Variants in SLC26A7 observed in about 807,000 individuals in gnomAD.
SLC26A7 encodes the protein anion exchange transporter.
A neutral mutation model predicts 82.5 loss-of-function variants in SLC26A7; 59 were observed. The ratio of observed to expected loss-of-function variants is 0.72; its 90% CI spans 0.58 to 0.89. The LOEUF is 0.89. Ranked by LOEUF, SLC26A7 falls within the 40% of genes least tolerant of loss-of-function variation. The probability of loss-of-function intolerance (pLI) is 0.00; values close to 1 mark genes in which losing one functional copy is unlikely to be tolerated. For missense variants in SLC26A7, 820 were observed against 793.0 expected, an observed-to-expected ratio of 1.03 and a Z score of -0.41; for synonymous variants, 271 against 274.3, an observed-to-expected ratio of 0.99 and a Z score of 0.12.
intron 15 of SLC26A7, among the ~76,000 whole-genome samples, chr8:91,382,390 A>G (rs944104180): frequency 1.8e-4 from 28 of 152,270 alleles, no homozygotes; most frequent in African/African-American, 6.3e-4. Flanking sequence ...TCCAACATCT[A>G]ACTTAATCAT....
At chr8:91,392,149 A>C (rs1410300697) in intron 16 of SLC26A7, among the ~76,000 whole-genome samples, 1 of 152,188 alleles carries the variant, frequency 6.6e-6, no homozygotes, top group African/African-American at 2.4e-5. Flanking sequence ...ACATTCCCTT[A>C]GCCAGGTGTG....
chr8:91,270,221 T>C (rs1811231549), intron 2 of SLC26A7, among the ~76,000 whole-genome samples: 1 of 152,178 alleles, frequency 6.6e-6, no homozygotes, highest in Non-Finnish European at 1.5e-5. Flanking sequence ...TTGGAGGTAC[T>C]CTTTGGTGGT....
rs369858729 is a variant in SLC26A7 at position 91,352,897 on chromosome 8, C to A, written c.1219-4C>A. 4 of 1,586,672 alleles carry A rather than the reference C, an allele frequency of 2.5e-6. No individual in the cohort carries two copies. The African/African-American group carries it at 5.5e-5, about 22-fold the overall frequency. ...TTCTTCTTCAACTTACGTTTTATTT[C>A]TAGTGTGTCCTTGCAAGCATTATTG... On this transcript the variant is annotated splice_region_variant and splice_polypyrimidine_tract_variant and intron_variant, in intron 10 of 18. Transcript: ENST00000276609.
intron 2 of SLC26A7, among the ~76,000 whole-genome samples, chr8:91,258,376 A>G (rs1360301709): frequency 1.3e-5 from 2 of 151,898 alleles, no homozygotes; most frequent in Admixed American, 6.6e-5. Context: ...CTTATCCTCC[A>G]TTCTTTTTTA....
chr8:91,389,141 C>T (rs1711191192), intron 15 of SLC26A7, among the ~76,000 whole-genome samples, 197 bp from the exon 16 acceptor site: 1 of 152,102 alleles, frequency 6.6e-6, no homozygotes, highest in Non-Finnish European at 1.5e-5. Flanking sequence ...TCATAATCAC[C>T]TGAAATTGCA....
chr8:91,300,432 C>G (rs1351581416), intron 4 of SLC26A7, among the ~76,000 whole-genome samples: 1 of 149,362 alleles, frequency 6.7e-6, no homozygotes, highest in African/African-American at 2.5e-5. Flanking sequence ...GAGTCTTGCT[C>G]TGTCACCCAG....
intron 11 of SLC26A7, among the ~76,000 whole-genome samples, chr8:91,362,116 T>G (rs780042646): frequency 5.9e-5 from 9 of 152,002 alleles, no homozygotes; most frequent in Non-Finnish European, 8.8e-5. Flanking sequence ...AACTAAGGGT[T>G]GGCAGTGTCT....
intron 2 of SLC26A7, among the ~76,000 whole-genome samples, chr8:91,243,248 G>C (rs1810497962): frequency 6.6e-6 from 1 of 152,088 alleles, no homozygotes; most frequent in South Asian, 2.1e-4. Flanking sequence ...AGCCAGTTTT[G>C]AGTAATTGGG....
chr8:91,253,759 T>C (rs1810724540), intron 2 of SLC26A7, among the ~76,000 whole-genome samples: 1 of 152,068 alleles, frequency 6.6e-6, no homozygotes, highest in African/African-American at 2.4e-5. Context: ...CCTTAACATA[T>C]TGTATTATAA....
chr8:91,239,389 A>AT (rs1264821995), intron 2 of SLC26A7, among the ~76,000 whole-genome samples: 110 of 105,812 alleles, frequency 1.0e-3, no homozygotes, highest in Non-Finnish European at 1.7e-3. Flanking sequence ...AAAAAAAAAA[A>AT]AAAAAAATAT....
chr8:91,329,502 A>G (rs570230810), intron 5 of SLC26A7, among the ~76,000 whole-genome samples: 30 of 152,248 alleles, frequency 2.0e-4, no homozygotes, highest in Admixed American at 8.5e-4. Flanking sequence ...ACAGACAATA[A>G]AAACCCTGGG....
At chr8:91,314,859 G>C (rs59938602) in intron 4 of SLC26A7, among the ~76,000 whole-genome samples, 1,708 of 152,178 alleles carry the variant, frequency 0.011, 28 homozygotes, top group African/African-American at 0.039. Context: ...GTGTTGCAAG[G>C]TAGGTTCCCA....
At chr8:91,247,210 G>A (rs1290813369), upstream of SLC26A7, among the ~76,000 whole-genome samples, 1 of 152,190 alleles carries the variant, frequency 6.6e-6, no homozygotes, top group Non-Finnish European at 1.5e-5. Context: ...CATGTATGAA[G>A]TAGAAGATAA....
At chr8:91,302,198 A>G (rs941443222) in intron 4 of SLC26A7, among the ~76,000 whole-genome samples, 4 of 152,108 alleles carry the variant, frequency 2.6e-5, no homozygotes, top group African/African-American at 7.2e-5. Context: ...TGTAAAGATC[A>G]GTATATAGCT....
chr8:91,298,718 C>A (rs1812081983), intron 4 of SLC26A7, among the ~76,000 whole-genome samples: 1 of 152,054 alleles, frequency 6.6e-6, no homozygotes, highest in Non-Finnish European at 1.5e-5. Flanking sequence ...ATTATTATAG[C>A]AAGATGGGAC....
chr8:91,281,352 AGTACAATT>A (rs1338709425), intron 2 of SLC26A7, among the ~76,000 whole-genome samples: 1 of 152,202 alleles, frequency 6.6e-6, no homozygotes, highest in Non-Finnish European at 1.5e-5. Flanking sequence ...AATATTCCAT[AGTACAATT>A]GTGCAGAAGT....
At chr8:91,272,348 A>G (rs934284043) in intron 2 of SLC26A7, among the ~76,000 whole-genome samples, 1 of 152,328 alleles carries the variant, frequency 6.6e-6, no homozygotes, top group African/African-American at 2.4e-5. Context: ...TCTTAGTATA[A>G]TATTCCTTAA....
intron 2 of SLC26A7, among the ~76,000 whole-genome samples, chr8:91,286,463 C>T (rs1482581928): frequency 6.6e-6 from 1 of 152,180 alleles, no homozygotes; most frequent in African/African-American, 2.4e-5. Flanking sequence ...AAATAATCAG[C>T]CATGTAAAGA....
At chr8:91,334,238 T>G in intron 5 of SLC26A7, 57 bp from the exon 6 acceptor site, 1 of 1,464,308 alleles carries the variant, frequency 6.8e-7, no homozygotes, top group Non-Finnish European at 9.3e-7. Context: ...CATATTTTCA[T>G]GTTGGTATAT....
Sources: allele counts gnomAD v4.1 joint callset (sites outside exome capture counted in the v4.1 genomes callset), GRCh38; gene constraint gnomAD v4.1.1; transcripts MANE v1.5; gene names NCBI Gene and HGNC (gene_info 2026-07-23, HGNC 2026-07-21).